RARB: variants seen among roughly 807,000 people sequenced by gnomAD.
RARB encodes the protein HBV-activated protein.
A neutral mutation model predicts 51.9 loss-of-function variants in RARB; 17 were observed. The observed-to-expected ratio is 0.33, with a 90% CI of 0.22 to 0.49. The LOEUF is 0.49. Ranked by LOEUF, RARB falls within the 20% of genes least tolerant of loss-of-function variation. RARB has a pLI of 0.99. For synonymous variants in RARB, 215 were observed against 195.4 expected (o/e 1.10, Z -0.84); for missense variants, 369 against 550.8 (o/e 0.67, Z 3.30).
chr3:25,339,753 G>A (rs966752118), intron 5 of RARB, among the ~76,000 whole-genome samples: 5 of 151,958 alleles, frequency 3.3e-5, no homozygotes, highest in African/African-American at 1.2e-4. Flanking sequence ...ACATTCCCAG[G>A]AGCCATAGCA....
intron 2 of RARB, among the ~76,000 whole-genome samples, chr3:24,931,006 C>T (rs765701020): frequency 6.6e-6 from 1 of 152,016 alleles, no homozygotes; most frequent in Non-Finnish European, 1.5e-5. Flanking sequence ...GAGTGAGACT[C>T]TGTCTCTGAA....
chr3:25,553,240 C>T (rs1377387259), intron 3 of RARB, among the ~76,000 whole-genome samples: 5 of 151,712 alleles, frequency 3.3e-5, no homozygotes, highest in African/African-American at 9.7e-5. Context: ...CCTAGTCTCT[C>T]GTTGCCCTTT....
At chr3:25,575,209 C>T (rs911996408) in intron 4 of RARB, among the ~76,000 whole-genome samples, 5 of 152,194 alleles carry the variant, frequency 3.3e-5, no homozygotes, top group Non-Finnish European at 7.3e-5. Flanking sequence ...GTAATGCCGC[C>T]GCTGATCTGA....
chr3:24,885,965 G>A (rs1294735597), intron 2 of RARB, among the ~76,000 whole-genome samples: 1 of 152,088 alleles, frequency 6.6e-6, no homozygotes, highest in South Asian at 2.1e-4. Context: ...GTACTTTATA[G>A]AGTGATTTAG....
In RARB at chr3:25,263,402, G is replaced by A. The variant is rs1256515418; in HGVS notation, c.178+88827G>A. Among the ~76,000 whole-genome samples the A allele has an allele frequency of 4.6e-5, 7 of 152,092 alleles. No individual in the cohort carries two copies. The East Asian group carries it at 1.4e-3, about 29-fold the overall frequency. On this transcript the variant is annotated intron_variant, in intron 5 of 11. Coordinates refer to the RARB transcript ENST00000383772. ...AGACAGCTTAGTATACAGTAACTCTGAGTTAACTAGTCTATTTTGCCAACC... is the reference window on the plus strand; with the variant it reads ...AGACAGCTTAGTATACAGTAACTCTAAGTTAACTAGTCTATTTTGCCAACC...
chr3:25,219,987 G>A (rs1701910794), intron 5 of RARB, among the ~76,000 whole-genome samples: 4 of 152,148 alleles, frequency 2.6e-5, no homozygotes, highest in African/African-American at 9.7e-5. Context: ...AGAAAAATGA[G>A]TTTAATTCCT....
At position 25,296,989 on chromosome 3, in the gene RARB, T is replaced by C. The variant is rs1388465741; in HGVS notation, c.178+122414T>C. 3.3e-5 allele frequency among the ~76,000 whole-genome samples: 5 copies of C among 152,184 alleles called. No individual in the cohort carries two copies. In the East Asian group the frequency reaches 9.6e-4, roughly 29 times the overall value. On this transcript the variant is annotated intron_variant, in intron 5 of 11. Coordinates refer to the RARB transcript ENST00000383772. Reference sequence around the variant, plus strand: ...ATTCCTAGAGACTTTGAGTTTTGTGTAGGGCTCTCATTTCCTACCTAGATA... The same window carrying C: ...ATTCCTAGAGACTTTGAGTTTTGTGCAGGGCTCTCATTTCCTACCTAGATA...
At chr3:25,264,945 G>A (rs1013771351) in intron 5 of RARB, among the ~76,000 whole-genome samples, 1 of 152,098 alleles carries the variant, frequency 6.6e-6, no homozygotes, top group Non-Finnish European at 1.5e-5. Context: ...ATAGTATTTG[G>A]AGGTGAGGCC....
chr3:25,141,030 C>A (rs1700099435), intron 4 of RARB, among the ~76,000 whole-genome samples: 1 of 152,014 alleles, frequency 6.6e-6, no homozygotes, highest in Non-Finnish European at 1.5e-5. Context: ...GAAACCAAAA[C>A]ATTTGTGTGA....
chr3:25,216,686 G>C (rs971640283), intron 5 of RARB, among the ~76,000 whole-genome samples: 2 of 151,222 alleles, frequency 1.3e-5, no homozygotes, highest in African/African-American at 4.9e-5. Flanking sequence ...TGCACATTCT[G>C]CACGTGTATC....
At chr3:25,348,857 A>G (rs1418794024) in intron 5 of RARB, among the ~76,000 whole-genome samples, 1 of 152,184 alleles carries the variant, frequency 6.6e-6, no homozygotes, top group East Asian at 1.9e-4. Flanking sequence ...GGTCTGGGGT[A>G]GGACCCAAGG....
At chr3:25,229,479 T>A (rs67150539) in intron 5 of RARB, among the ~76,000 whole-genome samples, 16,345 of 152,158 alleles carry the variant, frequency 0.11, 1,026 homozygotes, top group South Asian at 0.26. Flanking sequence ...TATTGTTTAC[T>A]AATTGCTATC....
chr3:25,043,638 T>G (rs970558219), intron 2 of RARB, among the ~76,000 whole-genome samples: 14 of 151,970 alleles, frequency 9.2e-5, no homozygotes, highest in Non-Finnish European at 2.1e-4. Flanking sequence ...CGTTACAGGG[T>G]TTTTTTTAAA....
chr3:24,909,941 C>G (rs1389725793), intron 2 of RARB, among the ~76,000 whole-genome samples: 1 of 152,094 alleles, frequency 6.6e-6, no homozygotes, highest in African/African-American at 2.4e-5. Context: ...TGTCGAATTT[C>G]TATATATTTT....
At chr3:25,514,369 A>T (rs889128060) in intron 3 of RARB, among the ~76,000 whole-genome samples, 5 of 152,232 alleles carry the variant, frequency 3.3e-5, no homozygotes, top group Non-Finnish European at 7.3e-5. Context: ...AATTAGATTA[A>T]TGAAGACAGG....
At chr3:25,590,313 G>A (rs1018604154) in intron 5 of RARB, among the ~76,000 whole-genome samples, 1 of 152,198 alleles carries the variant, frequency 6.6e-6, no homozygotes, top group African/African-American at 2.4e-5. Context: ...TGAGTTATTG[G>A]CAATTTGCAA....
chr3:25,281,333 G>A (rs561820769), intron 5 of RARB, among the ~76,000 whole-genome samples: 10 of 152,278 alleles, frequency 6.6e-5, no homozygotes, highest in Non-Finnish European at 1.0e-4. Context: ...AATGAAGCCT[G>A]GCTTATGATG....
intron 1 of RARB, among the ~76,000 whole-genome samples, chr3:24,835,799 C>T (rs1187217710): frequency 1.3e-5 from 2 of 152,144 alleles, no homozygotes; most frequent in Non-Finnish European, 2.9e-5. Flanking sequence ...ATGGACACAC[C>T]TCAAAGAAAC....
intron 2 of RARB, among the ~76,000 whole-genome samples, chr3:24,951,712 A>T (rs1029047591): frequency 2.0e-5 from 3 of 152,172 alleles, no homozygotes; most frequent in African/African-American, 7.2e-5. Context: ...TTGATAGGAA[A>T]CCAATGCCAA....
Sources: allele counts gnomAD v4.1 joint callset (sites outside exome capture counted in the v4.1 genomes callset), GRCh38; gene constraint gnomAD v4.1.1; transcripts MANE v1.5; gene names NCBI Gene and HGNC (gene_info 2026-07-23, HGNC 2026-07-21).